The following AGK variants were observed in gnomAD, a reference collection of about 807,000 sequenced individuals.
AGK encodes acylglycerol kinase, mitochondrial.
Under a neutral mutation model 66.4 loss-of-function variants are expected in AGK, and 52 were observed. The observed-to-expected ratio is 0.78, with a 90% confidence interval of 0.63 to 0.99. AGK has a LOEUF of 0.99. Ranked by LOEUF, AGK falls within the 50% of genes least tolerant of loss-of-function variation. AGK has a pLI of 0.00. For missense variants in AGK, 451 were observed against 506.6 expected (o/e 0.89, Z 1.05); for synonymous variants, 182 against 181.1 (o/e 1.00, Z -0.04).
At chr7:141,616,675 A>T (rs1412736400) in intron 8 of AGK, among the ~76,000 whole-genome samples, 2 of 151,814 alleles carry the variant, frequency 1.3e-5, no homozygotes, top group Admixed American at 1.3e-4. Flanking sequence ...TATAATGGGG[A>T]TTATTCAGCT....
At chr7:141,600,811 T>C (rs7789850) in intron 4 of AGK, among the ~76,000 whole-genome samples, 7,817 of 152,164 alleles carry the variant, frequency 0.051, 360 homozygotes, top group South Asian at 0.15. Context: ...TCTGCTTTGT[T>C]ATGTTGTATT....
At chr7:141,604,648 A>G (rs560605303) in intron 5 of AGK, among the ~76,000 whole-genome samples, 1 of 141,524 alleles carries the variant, frequency 7.1e-6, no homozygotes, top group Non-Finnish European at 1.5e-5. Context: ...CAGTGGCATG[A>G]TCTCATCTCA....
At chr7:141,652,252 GA>G in intron 15 of AGK, 1 of 154,428 alleles carries the variant, frequency 6.5e-6, no homozygotes, top group East Asian at 1.9e-4. Context: ...TATAAATATT[GA>G]ATTAAATGCA....
Position 141,654,105 on chromosome 7 carries a change from C to T in AGK, c.*1181C>T, listed in dbSNP as rs1312062616. On this transcript the variant is annotated 3_prime_UTR_variant, in exon 16 of 16. Coordinates refer to ENST00000649286, the MANE Select transcript of AGK (RefSeq NM_018238.4). ...CATCTTTTAATCATTCACCCCATTA[C>T]TTCTTGTCAACAAAAAATATAAATG... 2 of 152,078 alleles carry T rather than the reference C, an allele frequency of 1.3e-5. No homozygotes were observed. Among genetic ancestry groups the T allele is most frequent in the Non-Finnish European group, 2.9e-5 (2 of 68,022 alleles). The allele number at this position is 152,078 out of a possible 1,614,324, so 9.4% of individuals were successfully genotyped here. A position where few individuals can be genotyped will look rare whatever the true frequency, so the allele number is the denominator to read the frequency against.
At chr7:141,648,822 A>C (rs769532098) in intron 13 of AGK, among the ~76,000 whole-genome samples, 1 of 152,218 alleles carries the variant, frequency 6.6e-6, no homozygotes, top group Admixed American at 6.5e-5. Context: ...AGCATTAAAG[A>C]AGCACAGGCA....
intron 5 of AGK, among the ~76,000 whole-genome samples, chr7:141,604,372 G>GTATA (rs1436838520): frequency 2.1e-4 from 12 of 58,402 alleles, no homozygotes; most frequent in African/African-American, 4.3e-4. Context: ...GTGTGTGTGT[G>GTATA]TGTATATATA....
intron 15 of AGK, 67 bp from the exon 16 acceptor site, chr7:141,652,720 G>A: frequency 6.5e-7 from 1 of 1,540,086 alleles, no homozygotes; most frequent in Non-Finnish European, 8.9e-7. Flanking sequence ...TGGTGCTGCT[G>A]TGAGACCTCC....
rs188814132 is a variant in AGK at position 141,580,279 on chromosome 7, G to A, written c.102-12867G>A. On this transcript the variant is annotated intron_variant, in intron 2 of 15. Transcript: ENST00000649286. ...GAGGTAGTGGAGTGGGGGCAGAGTG[G>A]TAGCTTCAATGATAGATGTGGAAGA... 2.3e-4 allele frequency among the ~76,000 whole-genome samples: 35 copies of A among 150,726 alleles called. No homozygotes were observed. The East Asian group carries it at 4.2e-3, about 18-fold the overall frequency.
intron 5 of AGK, among the ~76,000 whole-genome samples, chr7:141,603,788 G>T (rs1796391311): frequency 1.3e-5 from 2 of 152,168 alleles, no homozygotes; most frequent in African/African-American, 4.8e-5. Flanking sequence ...CCTGGCTCAT[G>T]TTGTCTCCAC....
chr7:141,644,838 A>C lies in AGK; in HGVS notation c.975+2930A>C, dbSNP rs986279025. Among the ~76,000 whole-genome samples, 5 of 152,100 alleles carry C rather than the reference A, an allele frequency of 3.3e-5. No homozygotes were observed. The South Asian group carries it at 1.0e-3, about 31-fold the overall frequency. On this transcript the variant is annotated intron_variant, in intron 13 of 15. Transcript: ENST00000649286. The stretch of plus-strand genomic sequence containing the variant: ...CCAGTTGTCCAAGCGCCATTTATTG[A>C]AATCTCCATTTTCCCCCATTGATCT...
Position 141,633,051 on chromosome 7 carries a change from TCTC to T in AGK, c.589-847_589-845del, listed in dbSNP as rs560797795. On this transcript the variant is annotated intron_variant, in intron 9 of 15. Coordinates refer to ENST00000649286, the MANE Select transcript of AGK (RefSeq NM_018238.4). Reference sequence around the variant, plus strand: ...AGGATTTGCCTCCAGTTCCTACTCTTCTCCTTGCACTGGCTGTGGTGGGAATCA... The same window carrying T: ...AGGATTTGCCTCCAGTTCCTACTCTTCTTGCACTGGCTGTGGTGGGAATCA... Among the ~76,000 whole-genome samples the T allele has an allele frequency of 9.2e-5, 14 of 152,280 alleles. No individual in the cohort carries two copies. The South Asian group carries it at 2.1e-3, about 23-fold the overall frequency.
At chr7:141,590,353 A>G (rs374022600) in intron 2 of AGK, among the ~76,000 whole-genome samples, 7 of 152,342 alleles carry the variant, frequency 4.6e-5, no homozygotes, top group African/African-American at 1.4e-4. Flanking sequence ...ACAGAAGCAT[A>G]GAGGGCTTGT....
At chr7:141,560,976 G>T (rs1305054984) in intron 2 of AGK, among the ~76,000 whole-genome samples, 1 of 151,974 alleles carries the variant, frequency 6.6e-6, no homozygotes, top group Non-Finnish European at 1.5e-5. Flanking sequence ...TGTATTTTTA[G>T]TAGAGACGGG....
In AGK at chr7:141,555,572, C is replaced by T. The variant is rs150421355; in HGVS notation, c.101+5C>T. 5.5e-4 allele frequency: 891 copies of T among 1,606,982 alleles called. 7 individuals are homozygous for T. In the African/African-American group the frequency reaches 0.011, roughly 20 times the overall value. On this transcript the variant is annotated splice_donor_5th_base_variant and intron_variant, in intron 2 of 15. Coordinates refer to ENST00000649286, the MANE Select transcript of AGK (RefSeq NM_018238.4). The surrounding 1 kb of genome is among the most constrained non-coding windows in gnomAD (Gnocchi z 4.2). ...TTGGCTCTATGGAAAACACTGGTAACTATCTGACAGCCCCATCCCACCTTT... is the reference window on the plus strand; with the variant it reads ...TTGGCTCTATGGAAAACACTGGTAATTATCTGACAGCCCCATCCCACCTTT...
At chr7:141,610,650 T>C (rs1796566028) in intron 5 of AGK, among the ~76,000 whole-genome samples, 1 of 152,246 alleles carries the variant, frequency 6.6e-6, no homozygotes. Context: ...CCAGTTGCTT[T>C]ACATACTGCT....
chr7:141,582,817 T>C (rs1336214230), intron 2 of AGK, among the ~76,000 whole-genome samples: 1 of 151,246 alleles, frequency 6.6e-6, no homozygotes, highest in Non-Finnish European at 1.5e-5. Context: ...ATAAAAGGAT[T>C]ATAGGGTAGG....
intron 8 of AGK, among the ~76,000 whole-genome samples, chr7:141,620,511 C>G (rs1796799962): frequency 7.4e-6 from 1 of 135,224 alleles, no homozygotes; most frequent in Admixed American, 8.2e-5. Flanking sequence ...ACTGCTGCCC[C>G]CAAGATTGGA....
intron 3 of AGK, among the ~76,000 whole-genome samples, chr7:141,595,247 G>A (rs538434707): frequency 4.6e-5 from 7 of 152,286 alleles, no homozygotes; most frequent in Non-Finnish European, 8.8e-5. Flanking sequence ...TACCATAGGT[G>A]TGGAATCTGA....
At chr7:141,607,490 G>A (rs764906410) in intron 5 of AGK, among the ~76,000 whole-genome samples, 3 of 152,052 alleles carry the variant, frequency 2.0e-5, no homozygotes, top group Non-Finnish European at 4.4e-5. Context: ...TAATTGGGCT[G>A]GTTTCTTTTT....
Sources: gnomAD v4.1 joint callset for allele counts (sites outside exome capture counted in the v4.1 genomes callset) on GRCh38, gnomAD v4.1.1 for gene constraint, Gnocchi (gnomAD v3.1) non-coding constraint, MANE v1.5 for transcripts, NCBI Gene and HGNC (gene_info 2026-07-23, HGNC 2026-07-21) for gene names.